ASRGL1: variants seen among roughly 807,000 people sequenced by gnomAD.
ASRGL1 encodes the protein asparaginase and isoaspartyl peptidase 1.
ASRGL1 carries 16 observed loss-of-function variants against 22.4 expected under a neutral mutation model. The observed-to-expected ratio is 0.71, with a 90% CI of 0.48 to 1.08. The LOEUF (loss-of-function observed/expected upper bound fraction) is 1.08. Ranked by LOEUF, ASRGL1 falls within the 50% of genes least tolerant of loss-of-function variation. The pLI, the probability that ASRGL1 is intolerant of heterozygous loss-of-function variation, is 0.00. For missense variants in ASRGL1, 412 were observed against 410.1 expected (o/e 1.00, Z -0.04); for synonymous variants, 165 against 159.3 (o/e 1.04, Z -0.27).
intron 2 of ASRGL1, among the ~76,000 whole-genome samples, chr11:62,340,962 T>A (rs1258624810): frequency 6.6e-6 from 1 of 152,208 alleles, no homozygotes; most frequent in Non-Finnish European, 1.5e-5. Context: ...TATTCCTGTT[T>A]CAGTGTGCAT....
chr11:62,394,146 CATTTAT>C (rs1408949907), downstream of ASRGL1, among the ~76,000 whole-genome samples: 52 of 135,948 alleles, frequency 3.8e-4, no homozygotes, highest in Middle Eastern at 3.7e-3. Context: ...AAATATATAA[CATTTAT>C]ATAATACATA....
At chr11:62,375,478 A>C (rs1186511116) in intron 4 of ASRGL1, among the ~76,000 whole-genome samples, 2 of 83,686 alleles carry the variant, frequency 2.4e-5, no homozygotes, top group Admixed American at 1.4e-4. Context: ...ATATATATAT[A>C]TATTTCTTGG....
chr11:62,384,595 CTG>C (rs1947158235), intron 4 of ASRGL1, among the ~76,000 whole-genome samples: 2 of 151,386 alleles, frequency 1.3e-5, no homozygotes, highest in African/African-American at 4.9e-5. Context: ...TTCTAGTTGA[CTG>C]TAATCATAAT....
chr11:62,363,308 A>G (rs1417366907), intron 4 of ASRGL1, among the ~76,000 whole-genome samples: 1 of 152,058 alleles, frequency 6.6e-6, no homozygotes, highest in Non-Finnish European at 1.5e-5. Context: ...TGATGTTCCA[A>G]CAAAATCCAG....
the ASRGL1 span, among the ~76,000 whole-genome samples, chr11:62,399,640 A>G: frequency 6.6e-6 from 1 of 152,180 alleles, no homozygotes; most frequent in Non-Finnish European, 1.5e-5. Context: ...TGGGGAAGGC[A>G]TGAGTGTCCT....
intron 4 of ASRGL1, among the ~76,000 whole-genome samples, chr11:62,373,452 C>T (rs1299992431): frequency 6.6e-6 from 1 of 152,028 alleles, no homozygotes; most frequent in African/African-American, 2.4e-5. Flanking sequence ...AAACTTTGAG[C>T]AATCTAGGTG....
In ASRGL1 at chr11:62,365,436, C is replaced by T. The variant is rs1490716527; in HGVS notation, c.491+8292C>T. Among the ~76,000 whole-genome samples, 6 of 151,878 alleles carry T rather than the reference C, an allele frequency of 4.0e-5. No individual in the cohort carries two copies. In the South Asian group the frequency reaches 1.0e-3, roughly 26 times the overall value. On this transcript the variant is annotated intron_variant, in intron 4 of 6. Coordinates refer to ENST00000415229, the MANE Select transcript of ASRGL1 (RefSeq NM_001083926.2). ...GGGCATGGTGGTGGGCGCCTGTAAT[C>T]CCAGCTACTCGTGAGGCTGAGGCAG... is the stretch of plus-strand genomic sequence containing the variant.
chr11:62,372,729 C>G lies in ASRGL1; in HGVS notation c.491+15585C>G, dbSNP rs1490376841. Reference sequence around the variant, plus strand: ...GCAGAAGGATGAGATGGTCCCCCGCCTGGTGAAGCTATTTGACTTCCCTGG... The same window carrying G: ...GCAGAAGGATGAGATGGTCCCCCGCGTGGTGAAGCTATTTGACTTCCCTGG... On this transcript the variant is annotated intron_variant, in intron 4 of 6. Transcript: ENST00000415229. The G allele has an allele frequency of 7.5e-6, 11 of 1,471,934 alleles. No homozygotes were observed. The South Asian group carries it at 1.0e-4, about 14-fold the overall frequency. The allele number at this position is 1,471,934 out of a possible 1,614,324, so 91.2% of individuals were successfully genotyped here.
intron 4 of ASRGL1, among the ~76,000 whole-genome samples, chr11:62,361,167 A>G (rs1185029394): frequency 6.6e-6 from 1 of 151,806 alleles, no homozygotes; most frequent in East Asian, 1.9e-4. Context: ...TTTTTTGTCA[A>G]TAAATTTTTT....
the ASRGL1 span, among the ~76,000 whole-genome samples, chr11:62,400,361 T>C: frequency 6.6e-6 from 1 of 152,202 alleles, no homozygotes; most frequent in Non-Finnish European, 1.5e-5. Flanking sequence ...AAATGTTAGC[T>C]ATTATTTTAT....
At chr11:62,401,153 C>G in the ASRGL1 span, among the ~76,000 whole-genome samples, 1 of 152,256 alleles carries the variant, frequency 6.6e-6, no homozygotes, top group Admixed American at 6.5e-5. Context: ...CCCTCTGTAA[C>G]TTTCCCAGTC....
In ASRGL1 at chr11:62,337,464, T is replaced by C. The variant is rs1174394973; in HGVS notation, c.-199T>C. ...CGCAGAACCGTTGTGACCAGAGCGG[T>C]TGCGGGCTGAGCGGTTTCGAGCCGG... On this transcript the variant is annotated 5_prime_UTR_variant, in exon 1 of 7. Coordinates refer to ENST00000415229, the MANE Select transcript of ASRGL1 (RefSeq NM_001083926.2). The C allele has an allele frequency of 1.3e-5, 2 of 159,964 alleles. No homozygotes were observed. Among genetic ancestry groups the C allele is most frequent in the Non-Finnish European group, 2.7e-5 (2 of 73,222 alleles). The allele number at this position is 159,964 out of a possible 1,614,324, so 9.9% of individuals were successfully genotyped here.
intron 5 of ASRGL1, among the ~76,000 whole-genome samples, chr11:62,390,941 T>G (rs1171018975): frequency 6.6e-6 from 1 of 152,194 alleles, no homozygotes; most frequent in Non-Finnish European, 1.5e-5. Context: ...TAAGGTTGCT[T>G]AATCCAAGCC....
At chr11:62,396,534 T>G (rs1028442794), downstream of ASRGL1, among the ~76,000 whole-genome samples, 1 of 152,194 alleles carries the variant, frequency 6.6e-6, no homozygotes, top group Non-Finnish European at 1.5e-5. Context: ...GAAGTTTAAC[T>G]CAGCCTTCCC....
chr11:62,345,249 A>C (rs1945986818), intron 2 of ASRGL1, among the ~76,000 whole-genome samples: 1 of 152,110 alleles, frequency 6.6e-6, no homozygotes. Context: ...TTGCTGTATC[A>C]CATGGTAGCT....
At chr11:62,356,753 T>G (rs1240753530) in intron 3 of ASRGL1, among the ~76,000 whole-genome samples, 1 of 152,182 alleles carries the variant, frequency 6.6e-6, no homozygotes, top group African/African-American at 2.4e-5. Context: ...TTCTCTAAAT[T>G]TAACGTATAT....
intron 2 of ASRGL1, among the ~76,000 whole-genome samples, chr11:62,355,280 C>T (rs1038817056): frequency 3.3e-5 from 5 of 151,140 alleles, no homozygotes; most frequent in Non-Finnish European, 5.9e-5. Context: ...GGCTGGAGTG[C>T]AGTGGTGCAA....
intron 4 of ASRGL1, among the ~76,000 whole-genome samples, chr11:62,363,359 A>C: frequency 6.6e-6 from 1 of 152,188 alleles, no homozygotes; most frequent in East Asian, 1.9e-4. Context: ...ACCTAGCTTG[A>C]AGAAAATTCA....
At chr11:62,340,307 A>G (rs1172260180) in intron 2 of ASRGL1, among the ~76,000 whole-genome samples, 1 of 151,996 alleles carries the variant, frequency 6.6e-6, no homozygotes, top group Non-Finnish European at 1.5e-5. Context: ...TTAAAATGAG[A>G]CCTAATAGTG....
Sources: gnomAD v4.1 joint callset for allele counts (sites outside exome capture counted in the v4.1 genomes callset) on GRCh38, gnomAD v4.1.1 for gene constraint, MANE v1.5 for transcripts, NCBI Gene and HGNC (gene_info 2026-07-23, HGNC 2026-07-21) for gene names.